SLC25A37: variants seen among roughly 807,000 people sequenced by gnomAD.
The protein encoded by SLC25A37 is mitoferrin-1.
Under a neutral mutation model 31.0 loss-of-function variants are expected in SLC25A37, and 17 were observed. The observed-to-expected ratio is 0.55, with a 90% CI of 0.38 to 0.82. SLC25A37 has a LOEUF of 0.82. Among genes scored for constraint, SLC25A37 ranks in the 40% least tolerant of loss-of-function variants. The pLI is 0.00. For missense variants in SLC25A37, 404 were observed against 465.8 expected (o/e 0.87, Z 1.22); for synonymous variants, 222 against 193.0 (o/e 1.15, Z -1.24).
At chr8:23,554,336 C>G (rs1323852184) in intron 1 of SLC25A37, among the ~76,000 whole-genome samples, 1 of 152,172 alleles carries the variant, frequency 6.6e-6, no homozygotes, top group East Asian at 1.9e-4. Context: ...TGACTCAGGC[C>G]CTGTCCCTCT....
At chr8:23,551,698 A>T (rs894201382) in intron 1 of SLC25A37, among the ~76,000 whole-genome samples, 6 of 152,130 alleles carry the variant, frequency 3.9e-5, no homozygotes, top group African/African-American at 7.2e-5. Context: ...TAGGAGCCCC[A>T]CTTACAGATA....
intron 1 of SLC25A37, among the ~76,000 whole-genome samples, chr8:23,540,331 G>A (rs1254860980): frequency 6.6e-6 from 1 of 152,180 alleles, no homozygotes; most frequent in East Asian, 1.9e-4. Context: ...TGGCAGCAGA[G>A]CCCTTGAGCT....
chr8:23,548,648 T>G (rs1802137900), intron 1 of SLC25A37, among the ~76,000 whole-genome samples: 1 of 152,046 alleles, frequency 6.6e-6, no homozygotes, highest in Admixed American at 6.5e-5. Context: ...TTTTATAGTT[T>G]TAGTAGACAC....
intron 1 of SLC25A37, among the ~76,000 whole-genome samples, chr8:23,557,145 T>G (rs919095717): frequency 1.3e-5 from 2 of 152,158 alleles, no homozygotes; most frequent in African/African-American, 4.8e-5. Flanking sequence ...GCCGCCACAC[T>G]TGGCCAATTT....
intron 1 of SLC25A37, among the ~76,000 whole-genome samples, chr8:23,550,159 C>T (rs1183467932): frequency 1.2e-5 from 1 of 85,368 alleles, no homozygotes; most frequent in Non-Finnish European, 2.0e-5. Context: ...CCAGCCTGGG[C>T]AACAAGAGCG....
intron 1 of SLC25A37, among the ~76,000 whole-genome samples, chr8:23,539,545 G>T (rs1476471050): frequency 6.6e-6 from 1 of 152,218 alleles, no homozygotes; most frequent in Non-Finnish European, 1.5e-5. Context: ...GCCCTAGAAA[G>T]GTCACCAAAC....
intron 2 of SLC25A37, chr8:23,567,017 TC>T: frequency 5.9e-6 from 1 of 169,158 alleles, no homozygotes; most frequent in Non-Finnish European, 1.2e-5. Flanking sequence ...TGCCAGCAGC[TC>T]TTACGTAAGG....
intron 3 of SLC25A37, among the ~76,000 whole-genome samples, chr8:23,569,978 T>A (rs1411696413): frequency 6.6e-6 from 1 of 152,188 alleles, no homozygotes; most frequent in Non-Finnish European, 1.5e-5. Flanking sequence ...TGCCTGTCTT[T>A]TGTCTTTCAA....
At chr8:23,561,293 T>C (rs1363144894) in intron 1 of SLC25A37, among the ~76,000 whole-genome samples, 6 of 152,198 alleles carry the variant, frequency 3.9e-5, no homozygotes, top group Non-Finnish European at 8.8e-5. Context: ...TTCCTCCAAC[T>C]GCTCTACCCC....
At chr8:23,549,332 T>G (rs1802160513) in intron 1 of SLC25A37, among the ~76,000 whole-genome samples, 1 of 152,156 alleles carries the variant, frequency 6.6e-6, no homozygotes, top group Non-Finnish European at 1.5e-5. Flanking sequence ...CGGCTTTGGT[T>G]TAAATTGTAT....
chr8:23,550,325 A>G (rs575009913), intron 1 of SLC25A37, among the ~76,000 whole-genome samples: 1 of 101,196 alleles, frequency 9.9e-6, no homozygotes, highest in Non-Finnish European at 1.7e-5. Flanking sequence ...TGGCTCCGAG[A>G]TCACAGTGCT....
intron 1 of SLC25A37, among the ~76,000 whole-genome samples, chr8:23,538,380 C>CAAAAAAAAAAAAAAA (rs1286476649): frequency 3.7e-4 from 4 of 10,762 alleles, no homozygotes; most frequent in African/African-American, 5.1e-4. Flanking sequence ...GACTTCATCT[C>CAAAAAAAAAAAAAAA]AAAAAAAAAA....
chr8:23,571,675 G>A lies in SLC25A37; in HGVS notation c.837G>A (p.Leu279=), dbSNP rs1025078189. 3.7e-6 allele frequency: 6 copies of A among 1,613,858 alleles called. No homozygotes were observed. The African/African-American group carries it at 6.7e-5, about 18-fold the overall frequency. ...ALSLANISGR[L]SGMANAFRTV... ...CGCTGGCCAACATCAGCGGCCGGCTGTCGGGTATGGCCAATGCCTTCCGGA... is the reference window on the plus strand; with the variant it reads ...CGCTGGCCAACATCAGCGGCCGGCTATCGGGTATGGCCAATGCCTTCCGGA... Residue 279 remains leucine (L), a synonymous_variant, in exon 4 of 4, where the codon CTG becomes CTA. Coordinates refer to ENST00000519973, the MANE Select transcript of SLC25A37 (RefSeq NM_016612.4).
chr8:23,566,342 T>C lies in SLC25A37; in HGVS notation c.439+6T>C, dbSNP rs1802656267. 10 of 1,599,340 alleles carry C rather than the reference T, an allele frequency of 6.3e-6. No homozygotes were observed. Among genetic ancestry groups the C allele is most frequent in the Non-Finnish European group, 8.5e-6 (10 of 1,175,458 alleles). On this transcript the variant is annotated splice_donor_region_variant and intron_variant, in intron 2 of 3. Coordinates refer to ENST00000519973, the MANE Select transcript of SLC25A37 (RefSeq NM_016612.4). ...AAACAGCCACCTAGCCAACGGTATTTTGAAAGCGTTTGTCTGGAGTTAGAA... is the reference window on the plus strand; with the variant it reads ...AAACAGCCACCTAGCCAACGGTATTCTGAAAGCGTTTGTCTGGAGTTAGAA...
chr8:23,561,999 G>C (rs182409057), intron 1 of SLC25A37, among the ~76,000 whole-genome samples: 2 of 152,324 alleles, frequency 1.3e-5, no homozygotes, highest in Admixed American at 1.3e-4. Context: ...TCAGTAGCCA[G>C]TTCTCCATGC....
chr8:23,533,652 C>G (rs1234164953), intron 1 of SLC25A37, among the ~76,000 whole-genome samples: 1 of 152,200 alleles, frequency 6.6e-6, no homozygotes, highest in Non-Finnish European at 1.5e-5. Context: ...GGTGTGGAAG[C>G]CTTCAGCATC....
intron 1 of SLC25A37, among the ~76,000 whole-genome samples, chr8:23,562,734 A>C (rs1802549196): frequency 6.6e-6 from 1 of 152,084 alleles, no homozygotes; most frequent in Admixed American, 6.6e-5. Context: ...AATTTTCCCA[A>C]CCATTCTCTC....
chr8:23,546,620 GTA>G (rs1252606595), intron 1 of SLC25A37, among the ~76,000 whole-genome samples: 9 of 133,550 alleles, frequency 6.7e-5, no homozygotes, highest in Non-Finnish European at 9.5e-5. Context: ...GTGTGTGTGT[GTA>G]TATATATATA....
At chr8:23,564,664 G>A (rs1409136988) in intron 1 of SLC25A37, among the ~76,000 whole-genome samples, 1 of 152,148 alleles carries the variant, frequency 6.6e-6, no homozygotes, top group Admixed American at 6.5e-5. Flanking sequence ...AGAGAAACAG[G>A]TAATAGGATG....
Sources: gnomAD v4.1 joint callset for allele counts (sites outside exome capture counted in the v4.1 genomes callset) on GRCh38, gnomAD v4.1.1 for gene constraint, MANE v1.5 for transcripts, NCBI Gene and HGNC (gene_info 2026-07-23, HGNC 2026-07-21) for gene names.